The following ERICH6B variants were observed in gnomAD, a reference collection of about 807,000 sequenced individuals.
ERICH6B encodes glutamate rich 6B.
Under a neutral mutation model 80.0 loss-of-function variants are expected in ERICH6B, and 69 were observed. That is an observed-to-expected ratio of 0.86 (90% confidence interval 0.71 to 1.05). ERICH6B has a LOEUF of 1.05. Ranked by LOEUF, ERICH6B falls within the 50% of genes least tolerant of loss-of-function variation. The probability of loss-of-function intolerance (pLI) is 0.00; values close to 1 mark genes in which losing one functional copy is unlikely to be tolerated. For synonymous variants in ERICH6B, 283 were observed against 291.9 expected (o/e 0.97, Z 0.31); for missense variants, 754 against 796.1 (o/e 0.95, Z 0.64).
Position 45,541,611 on chromosome 13 carries a change from C to A in ERICH6B, c.1942G>T (p.Ala648Ser), listed in dbSNP as rs1873779860. 1 of 1,551,578 alleles carries A rather than the reference C, an allele frequency of 6.4e-7. No homozygotes were observed. The highest frequency in any genetic ancestry group is 1.4e-5 in the African/African-American group (1 of 73,036). ...CCCAGAAGGACCCGGATCTTCTGGG[C>A]TGTTGGGCCGGGTTCTGCCTCCAGG... The part of the protein sequence containing the change: ...TILEAEPGPT[A>S]QKIRVLLGKM... The change falls in exon 15 of 15, where the codon GCC (alanine) becomes TCC (serine). Residue 648 changes from alanine (A) to serine (S), a missense_variant. By Grantham distance (99) the Ala-to-Ser change is moderately conservative. Coordinates refer to ENST00000298738, the MANE Select transcript of ERICH6B (RefSeq NM_182542.3).
At chr13:45,569,328 G>A (rs1165207011) in intron 8 of ERICH6B, among the ~76,000 whole-genome samples, 1 of 152,210 alleles carries the variant, frequency 6.6e-6, no homozygotes, top group Non-Finnish European at 1.5e-5. Context: ...ATTTCACCAT[G>A]TTGGCCAGGC....
chr13:45,575,467 G>A (rs1397050471), intron 7 of ERICH6B, among the ~76,000 whole-genome samples: 4 of 152,160 alleles, frequency 2.6e-5, no homozygotes, highest in African/African-American at 7.2e-5. Flanking sequence ...AGGTGGGCAC[G>A]TGGTGGGCGG....
At position 45,547,501 on chromosome 13, in the gene ERICH6B, T is replaced by G. The variant is rs192801188; in HGVS notation, c.1646+2392A>C. 1.1e-3 allele frequency among the ~76,000 whole-genome samples: 163 copies of G among 152,292 alleles called. 1 individual carries two copies. The highest frequency in any genetic ancestry group is 3.7e-3 in the African/African-American group (155 of 41,548). On this transcript the variant is annotated intron_variant, in intron 13 of 14. Transcript: ENST00000298738. ...CTATTTCAGGTGGCTACGGACTTCC[T>G]GGAGCCCTGGATGTGCAGTTAGACT... is the stretch of plus-strand genomic sequence containing the variant.
intron 11 of ERICH6B, among the ~76,000 whole-genome samples, chr13:45,553,345 G>A (rs779948578): frequency 6.6e-6 from 1 of 152,158 alleles, no homozygotes; most frequent in African/African-American, 2.4e-5. Context: ...CACGGTGGGC[G>A]CTGTGGTCAC....
chr13:45,587,381 C>T, intron 4 of ERICH6B, 149 bp from the exon 5 acceptor site: 1 of 666,282 alleles, frequency 1.5e-6, no homozygotes, highest in Non-Finnish European at 2.5e-6. Context: ...AGCTGTGAAT[C>T]ATGAAAAATA....
At chr13:45,568,524 C>T in intron 8 of ERICH6B, 73 bp from the exon 9 acceptor site, 2 of 1,365,862 alleles carry the variant, frequency 1.5e-6, no homozygotes, top group South Asian at 1.6e-5. Flanking sequence ...ACTTTTCTGA[C>T]TCTCAAAGGT....
intron 11 of ERICH6B, among the ~76,000 whole-genome samples, chr13:45,555,174 C>T (rs1874385355): frequency 6.6e-6 from 1 of 152,100 alleles, no homozygotes; most frequent in African/African-American, 2.4e-5. Flanking sequence ...AGTTATATAG[C>T]CTAATCGGAG....
At chr13:45,580,327 C>T (rs537778243) in intron 6 of ERICH6B, among the ~76,000 whole-genome samples, 100 of 152,328 alleles carry the variant, frequency 6.6e-4, no homozygotes, top group African/African-American at 2.4e-3. Context: ...ACAACATTAT[C>T]TACCCTCCTA....
intron 11 of ERICH6B, among the ~76,000 whole-genome samples, chr13:45,553,889 T>C (rs1376926067): frequency 1.3e-5 from 2 of 152,236 alleles, no homozygotes; most frequent in Admixed American, 1.3e-4. Flanking sequence ...CATGATGTTT[T>C]GATGTATGTA....
intron 13 of ERICH6B, among the ~76,000 whole-genome samples, 176 bp from the exon 14 acceptor site, chr13:45,545,161 G>A (rs921185848): frequency 6.6e-6 from 1 of 152,140 alleles, no homozygotes; most frequent in Non-Finnish European, 1.5e-5. Context: ...TGTCCCCTGC[G>A]CTGGCCTCAC....
chr13:45,611,734 G>A (rs1949901081), intron 1 of ERICH6B, among the ~76,000 whole-genome samples: 1 of 152,202 alleles, frequency 6.6e-6, no homozygotes, highest in South Asian at 2.1e-4. Context: ...AAGGATGGGA[G>A]CTCAGTGCCT....
chr13:45,550,287 G>A lies in ERICH6B; in HGVS notation c.1437C>T (p.Leu479=), dbSNP rs1874167448. The A allele has an allele frequency of 6.4e-7, 1 of 1,551,494 alleles. No individual in the cohort carries two copies. The highest frequency in any genetic ancestry group is 8.7e-7 in the Non-Finnish European group (1 of 1,146,908). Residue 479 remains leucine, a synonymous_variant, in exon 12 of 15, where the codon CTC becomes CTT. Coordinates refer to ENST00000298738, the MANE Select transcript of ERICH6B (RefSeq NM_182542.3). ...VVHQGDGKLI[L]YPNKNVYQIL... is the part of the protein sequence containing the mutation. ...TTTGATAGACATTCTTGTTGGGGTA[G>A]AGAATTAATTTTCCATCACCTTGAT...
chr13:45,566,651 G>A lies in ERICH6B; in HGVS notation c.1187+1664C>T, dbSNP rs370772707. Among the ~76,000 whole-genome samples the A allele has an allele frequency of 2.0e-4, 31 of 152,380 alleles. No homozygotes were observed. The East Asian group carries it at 3.3e-3, about 16-fold the overall frequency. On this transcript the variant is annotated intron_variant, in intron 9 of 14. Coordinates refer to ENST00000298738, the MANE Select transcript of ERICH6B (RefSeq NM_182542.3). ...ACAGAAGTCAAGAATTGGGGTTTGGGAACCTCTGCCTAGATTTCAGAGGAT... is the reference window on the plus strand; with the variant it reads ...ACAGAAGTCAAGAATTGGGGTTTGGAAACCTCTGCCTAGATTTCAGAGGAT...
intron 7 of ERICH6B, among the ~76,000 whole-genome samples, chr13:45,579,277 G>A (rs1299520396): frequency 6.6e-6 from 1 of 152,190 alleles, no homozygotes; most frequent in East Asian, 1.9e-4. Context: ...AAGCCATGGG[G>A]TGGGGATGGA....
intron 11 of ERICH6B, among the ~76,000 whole-genome samples, chr13:45,558,975 G>A (rs1449110612): frequency 6.6e-6 from 1 of 152,032 alleles, no homozygotes; most frequent in African/African-American, 2.4e-5. Context: ...TTCCCTCTTT[G>A]TTTCCCTGTG....
At chr13:45,545,493 C>T (rs149769524) in intron 13 of ERICH6B, among the ~76,000 whole-genome samples, 22 of 152,294 alleles carry the variant, frequency 1.4e-4, no homozygotes, top group African/African-American at 4.6e-4. Context: ...CCAAAACAAC[C>T]CATAGCTCCT....
chr13:45,544,693 G>T, intron 14 of ERICH6B, 67 bp downstream of exon 14: 1 of 1,397,806 alleles, frequency 7.2e-7, no homozygotes, highest in Non-Finnish European at 9.9e-7. Context: ...GCCAGTCCAA[G>T]CCAGCAGTGG....
chr13:45,568,381 T>C lies in ERICH6B; in HGVS notation c.1121A>G (p.Glu374Gly). 6.5e-7 allele frequency: 1 copy of C among 1,549,568 alleles called. No homozygotes were observed. Among genetic ancestry groups the C allele is most frequent in the Non-Finnish European group, 8.7e-7 (1 of 1,146,252 alleles). The change falls in exon 9 of 15, where the codon GAA (glutamate) becomes GGA (glycine). Residue 374 changes from glutamate (E) to glycine (G), a missense_variant. By Grantham distance (98) the Glu-to-Gly change is moderately conservative. Coordinates refer to ENST00000298738, the MANE Select transcript of ERICH6B (RefSeq NM_182542.3). The stretch of plus-strand genomic sequence containing the variant: ...AGTTAGGGGAATGTCAAAATCCTCT[T>C]CCAGTTCATTGTGAGCAGCCATTTC... ...IKEMAAHNEL[E>G]EDFDIPLTKL...
Position 45,566,142 on chromosome 13 carries a change from G to A in ERICH6B, c.1187+2173C>T, listed in dbSNP as rs147582642. On this transcript the variant is annotated intron_variant, in intron 9 of 14. Transcript: ENST00000298738. The stretch of plus-strand genomic sequence containing the variant: ...CTTTGAACTTGAGGGAGATGATTTA[G>A]TGTAGCTGGTGGAAGAAATTTCTAA... 4.5e-3 allele frequency among the ~76,000 whole-genome samples: 685 copies of A among 152,346 alleles called. 9 individuals carry two copies. The highest frequency in any genetic ancestry group is 0.016 in the African/African-American group (666 of 41,570).
Sources: allele counts gnomAD v4.1 joint callset (sites outside exome capture counted in the v4.1 genomes callset), GRCh38; gene constraint gnomAD v4.1.1; transcripts MANE v1.5; gene names NCBI Gene and HGNC (gene_info 2026-07-23, HGNC 2026-07-21).